DNAAF11: variants seen among roughly 807,000 people sequenced by gnomAD.
The protein encoded by DNAAF11 is dynein axonemal assembly factor 11.
DNAAF11 carries 45 observed loss-of-function variants against 60.8 expected under a neutral mutation model. The ratio of observed to expected loss-of-function variants is 0.74; its 90% CI spans 0.58 to 0.95. The LOEUF (loss-of-function observed/expected upper bound fraction) is 0.95, where lower values mean the gene tolerates loss of function less well. Among genes scored for constraint, DNAAF11 ranks in the 40% least tolerant of loss-of-function variants. The probability of loss-of-function intolerance (pLI) is 0.00; values close to 1 mark genes in which losing one functional copy is unlikely to be tolerated. For synonymous variants in DNAAF11, 191 were observed against 183.5 expected (o/e 1.04, Z -0.33); for missense variants, 546 against 546.2 (o/e 1.00, Z 0.00).
upstream of DNAAF11, among the ~76,000 whole-genome samples, chr8:132,676,461 G>A (rs1375898263): frequency 6.6e-6 from 1 of 152,150 alleles, no homozygotes; most frequent in Non-Finnish European, 1.5e-5. Flanking sequence ...TATGTAAAAG[G>A]TAAAACCTTC....
At chr8:132,640,413 C>T (rs1212479592) in intron 3 of DNAAF11, among the ~76,000 whole-genome samples, 3 of 152,112 alleles carry the variant, frequency 2.0e-5, no homozygotes, top group African/African-American at 7.2e-5. Flanking sequence ...ATCTGAATCT[C>T]GTACTCCTAT....
Position 132,642,188 on chromosome 8 carries a change from A to G in DNAAF11, c.257-4081T>C, listed in dbSNP as rs188269661. 4.0e-3 allele frequency among the ~76,000 whole-genome samples: 612 copies of G among 152,328 alleles called. 2 individuals are homozygous for G. Among genetic ancestry groups the G allele is most frequent in the Middle Eastern group, 0.014 (4 of 294 alleles). On this transcript the variant is annotated intron_variant, in intron 3 of 11. Coordinates refer to ENST00000620350, the MANE Select transcript of DNAAF11 (RefSeq NM_012472.6). ...TGTTGTAAGTATGCTCCAGGTATAT[A>G]ATATGCTTATTAACTACATGGCTAA...
upstream of DNAAF11, among the ~76,000 whole-genome samples, chr8:132,677,062 C>G (rs10505598): frequency 0.12 from 17,794 of 152,178 alleles, 2,885 homozygotes; most frequent in African/African-American, 0.37. Context: ...TGAAACTTCT[C>G]TATTTCCACA....
At chr8:132,664,666 T>C (rs191853993) in intron 1 of DNAAF11, among the ~76,000 whole-genome samples, 2 of 148,616 alleles carry the variant, frequency 1.3e-5, no homozygotes, top group African/African-American at 5.1e-5. Flanking sequence ...GGTTTCACCA[T>C]CGTGTCCACA....
upstream of DNAAF11, among the ~76,000 whole-genome samples, chr8:132,680,538 G>A (rs1013420473): frequency 2.0e-5 from 3 of 151,804 alleles, no homozygotes; most frequent in South Asian, 2.1e-4. Context: ...AACCAATATT[G>A]TGACTAGAAT....
At chr8:132,631,869 G>C (rs546512744) in intron 5 of DNAAF11, among the ~76,000 whole-genome samples, 2 of 152,038 alleles carry the variant, frequency 1.3e-5, no homozygotes, top group African/African-American at 4.8e-5. Flanking sequence ...CTGTTGTGGG[G>C]TTGGGGGAGT....
At chr8:132,639,919 G>A (rs1417368898) in intron 3 of DNAAF11, among the ~76,000 whole-genome samples, 12 of 151,584 alleles carry the variant, frequency 7.9e-5, no homozygotes, top group East Asian at 3.9e-4. Context: ...AAGATAAAAC[G>A]AGAAAAAAAT....
At chr8:132,574,551 T>G (rs1178217582) in intron 11 of DNAAF11, among the ~76,000 whole-genome samples, 45 of 152,360 alleles carry the variant, frequency 3.0e-4, no homozygotes, top group Non-Finnish European at 2.9e-5. Context: ...ATGTCTTGTG[T>G]GACTCCACAG....
intron 2 of DNAAF11, among the ~76,000 whole-genome samples, chr8:132,658,507 GA>G (rs935812176): frequency 2.6e-5 from 4 of 152,176 alleles, no homozygotes; most frequent in African/African-American, 9.6e-5. Flanking sequence ...ATTTTTAGTA[GA>G]GATGGGGTTT....
intron 10 of DNAAF11, among the ~76,000 whole-genome samples, chr8:132,601,525 A>C (rs1251348704): frequency 6.6e-6 from 1 of 152,202 alleles, no homozygotes; most frequent in Non-Finnish European, 1.5e-5. Flanking sequence ...AACCAACCCA[A>C]ATATCCATTA....
upstream of DNAAF11, among the ~76,000 whole-genome samples, chr8:132,676,173 A>T (rs1441872590): frequency 6.6e-6 from 1 of 152,054 alleles, no homozygotes; most frequent in Admixed American, 6.5e-5. Flanking sequence ...TACCCCCTCC[A>T]TCAATTTCCC....
chr8:132,635,285 T>A (rs755462448), intron 4 of DNAAF11, among the ~76,000 whole-genome samples: 3 of 152,092 alleles, frequency 2.0e-5, no homozygotes, highest in Non-Finnish European at 4.4e-5. Flanking sequence ...AGCACAAAGG[T>A]GGAGTGTCCA....
chr8:132,601,084 T>A (rs1021207119), intron 10 of DNAAF11, among the ~76,000 whole-genome samples: 6 of 151,540 alleles, frequency 4.0e-5, no homozygotes, highest in African/African-American at 1.5e-4. Context: ...CAAGAAAAAA[T>A]CAAACAACTC....
the DNAAF11 span, among the ~76,000 whole-genome samples, chr8:132,693,024 C>T: frequency 6.6e-6 from 1 of 152,192 alleles, no homozygotes; most frequent in South Asian, 2.1e-4. Flanking sequence ...TAGGACAGAA[C>T]CACATCACAA....
chr8:132,636,702 A>G (rs546145704), intron 4 of DNAAF11, among the ~76,000 whole-genome samples: 137 of 152,300 alleles, frequency 9.0e-4, no homozygotes, highest in African/African-American at 3.1e-3. Context: ...ATCTAGTCCT[A>G]TGATAGTCTG....
In DNAAF11 at chr8:132,583,776, C is replaced by A. The variant is rs761598046; in HGVS notation, c.1144G>T (p.Gly382Ter). The stretch of plus-strand genomic sequence containing the variant: ...CGCTGACCACCTGTGATTACTTCTC[C>A]TACCTAAAATAAAAATGAAACACAC... ...GHLVICMPKVGEVITGGQRAF... is the reference protein window; with the variant it reads ...GHLVICMPKV Residue 382 changes from glycine to a stop codon, truncating the protein, a stop_gained, in exon 11 of 12, where the codon GGA (glycine) becomes TGA (stop). Coordinates refer to ENST00000620350, the MANE Select transcript of DNAAF11 (RefSeq NM_012472.6). LOFTEE classifies it high-confidence loss of function. The A allele has an allele frequency of 6.2e-7, 1 of 1,611,238 alleles. No individual in the cohort carries two copies. Among genetic ancestry groups the A allele is most frequent in the Non-Finnish European group, 8.5e-7 (1 of 1,177,506 alleles).
upstream of DNAAF11, among the ~76,000 whole-genome samples, chr8:132,677,920 A>G (rs759608523): frequency 1.8e-4 from 28 of 152,154 alleles, 1 homozygote; most frequent in African/African-American, 2.4e-5. Flanking sequence ...AAGGGCATCT[A>G]ATCCTATTCA....
the DNAAF11 span, among the ~76,000 whole-genome samples, chr8:132,689,730 T>C: frequency 2.6e-5 from 4 of 152,004 alleles, no homozygotes; most frequent in African/African-American, 9.7e-5. Flanking sequence ...TGTGTATATA[T>C]ATACAGAGAG....
intron 3 of DNAAF11, among the ~76,000 whole-genome samples, chr8:132,645,113 A>G (rs1182173589): frequency 6.6e-6 from 1 of 152,170 alleles, no homozygotes; most frequent in African/African-American, 2.4e-5. Context: ...TCATACAGCC[A>G]AGTGCCCCTC....
Sources: gnomAD v4.1 joint callset for allele counts (sites outside exome capture counted in the v4.1 genomes callset) on GRCh38, gnomAD v4.1.1 for gene constraint, MANE v1.5 for transcripts, NCBI Gene and HGNC (gene_info 2026-07-23, HGNC 2026-07-21) for gene names.